EPHA4: variants seen among roughly 807,000 people sequenced by gnomAD.
EPHA4 encodes the protein EPH receptor A4.
In EPHA4, 19 loss-of-function variants were observed where a neutral mutation model predicts 108.3. That is an observed-to-expected ratio of 0.18 (90% confidence interval 0.12 to 0.26). EPHA4 has a LOEUF of 0.26. Among genes scored for constraint, EPHA4 ranks in the 10% least tolerant of loss-of-function variants. EPHA4 has a pLI of 1.00. For synonymous variants in EPHA4, 449 were observed against 455.5 expected (o/e 0.99, Z 0.18); for missense variants, 917 against 1,254.0 (o/e 0.73, Z 4.06).
At chr2:221,421,052 G>A (rs59241493) in intron 17 of EPHA4, among the ~76,000 whole-genome samples, 9,497 of 152,158 alleles carry the variant, frequency 0.062, 1,012 homozygotes, top group African/African-American at 0.22. Context: ...TAATCCCAGC[G>A]TTTTGGGAGC....
intron 3 of EPHA4, among the ~76,000 whole-genome samples, chr2:221,526,900 A>G (rs1161644902): frequency 7.3e-6 from 1 of 137,240 alleles, no homozygotes; most frequent in Non-Finnish European, 1.5e-5. Context: ...AAAAAAATTG[A>G]CACACAAACA....
At chr2:221,520,571 GGAGA>G (rs140590656) in intron 3 of EPHA4, among the ~76,000 whole-genome samples, 2 of 149,720 alleles carry the variant, frequency 1.3e-5, no homozygotes, top group African/African-American at 2.4e-5. Flanking sequence ...GCAAGAGGGG[GGAGA>G]GAGAGAGAGA....
chr2:221,458,270 A>G (rs568912003), intron 5 of EPHA4, among the ~76,000 whole-genome samples: 4 of 152,328 alleles, frequency 2.6e-5, no homozygotes, highest in South Asian at 2.1e-4. Context: ...GACATTTCTC[A>G]TAAAAGGCTG....
rs1043937933 is a variant in EPHA4 at position 221,572,301 on chromosome 2, G to A, written c.-53C>T. 7 of 1,499,936 alleles carry A rather than the reference G, an allele frequency of 4.7e-6. No homozygotes were observed. Among genetic ancestry groups the A allele is most frequent in the Non-Finnish European group, 6.5e-6 (7 of 1,076,962 alleles). The allele number at this position is 1,499,936 out of a possible 1,614,324, so 92.9% of individuals were successfully genotyped here. Reference sequence around the variant, plus strand: ...CCGCTTCTATCCCAGTGGAATAAATGCTTAAGTTAGGAGAGCAGCGGGCTG... The same window carrying A: ...CCGCTTCTATCCCAGTGGAATAAATACTTAAGTTAGGAGAGCAGCGGGCTG... On this transcript the variant is annotated 5_prime_UTR_variant, in exon 1 of 18. Transcript: ENST00000281821.
chr2:221,537,810 GA>G (rs1425792332), intron 3 of EPHA4, among the ~76,000 whole-genome samples: 1 of 152,082 alleles, frequency 6.6e-6, no homozygotes, highest in Non-Finnish European at 1.5e-5. Context: ...AAGAAAGAAG[GA>G]AGAAGAAAGA....
At chr2:221,548,432 G>A (rs887211799) in intron 3 of EPHA4, among the ~76,000 whole-genome samples, 2 of 151,958 alleles carry the variant, frequency 1.3e-5, no homozygotes, top group African/African-American at 4.8e-5. Flanking sequence ...GTGAATGCCT[G>A]TTCGCCTTTG....
chr2:221,473,536 T>G (rs1328635312), intron 5 of EPHA4, among the ~76,000 whole-genome samples: 1 of 138,246 alleles, frequency 7.2e-6, no homozygotes, highest in African/African-American at 2.8e-5. Context: ...CTTTTGGGTT[T>G]TCAAGGTGTT....
chr2:221,482,832 TA>T (rs1691865740), intron 4 of EPHA4, 142 bp from the exon 5 acceptor site: 1 of 679,098 alleles, frequency 1.5e-6, no homozygotes, highest in Non-Finnish European at 2.4e-6. Context: ...CAAGCCAGCA[TA>T]AAAGATCTTT....
chr2:221,504,754 T>C (rs1692581704), intron 3 of EPHA4, among the ~76,000 whole-genome samples: 1 of 152,184 alleles, frequency 6.6e-6, no homozygotes, highest in South Asian at 2.1e-4. Context: ...GTCACAATAA[T>C]TCTGTGAGCT....
intron 11 of EPHA4, among the ~76,000 whole-genome samples, chr2:221,441,197 CTTT>C (rs201795751): frequency 3.8e-5 from 5 of 132,086 alleles, no homozygotes; most frequent in East Asian, 2.2e-4. Context: ...CTTTTCTTTT[CTTT>C]TTTTTTTTTT....
chr2:221,520,530 A>G (rs1384189210), intron 3 of EPHA4, among the ~76,000 whole-genome samples: 1 of 116,562 alleles, frequency 8.6e-6, no homozygotes, highest in African/African-American at 4.2e-5. Context: ...ACACACACAC[A>G]CACACACACA....
At chr2:221,486,892 T>G (rs191851778) in intron 4 of EPHA4, among the ~76,000 whole-genome samples, 53 of 152,230 alleles carry the variant, frequency 3.5e-4, no homozygotes, top group African/African-American at 1.2e-3. Context: ...CTTTAATGCA[T>G]CTTATACCCA....
chr2:221,557,074 GA>G (rs1237538878), intron 3 of EPHA4, among the ~76,000 whole-genome samples: 1 of 151,708 alleles, frequency 6.6e-6, no homozygotes, highest in East Asian at 1.9e-4. Context: ...GAGAGAATTA[GA>G]AAAAAAAGGC....
chr2:221,475,585 T>C (rs1378311643), intron 5 of EPHA4, among the ~76,000 whole-genome samples: 1 of 152,168 alleles, frequency 6.6e-6, no homozygotes, highest in Non-Finnish European at 1.5e-5. Flanking sequence ...GTGTCAGCAG[T>C]GAGATAGTGC....
At chr2:221,503,657 T>C (rs1263534705) in intron 3 of EPHA4, among the ~76,000 whole-genome samples, 1 of 152,216 alleles carries the variant, frequency 6.6e-6, no homozygotes. Context: ...AAGGCTGCTG[T>C]TCTTTAAACA....
At position 221,498,617 on chromosome 2, in the gene EPHA4, C is replaced by T. The variant is rs13394634; in HGVS notation, c.979+2400G>A. ...TGCCTATTTACAGTTTTTCTGTTTT[C>T]GTTTTTTTTTTTCTAAGACAGGGTC... On this transcript the variant is annotated intron_variant, in intron 4 of 17. Transcript: ENST00000281821. Among the ~76,000 whole-genome samples the T allele has an allele frequency of 3.5e-3, 525 of 151,004 alleles. 5 individuals carry two copies. Among genetic ancestry groups the T allele is most frequent in the African/African-American group, 0.012 (498 of 41,208 alleles).
intron 4 of EPHA4, among the ~76,000 whole-genome samples, chr2:221,487,762 C>G (rs1350825218): frequency 6.6e-6 from 1 of 152,148 alleles, no homozygotes; most frequent in Non-Finnish European, 1.5e-5. Flanking sequence ...ACCCTTCCTT[C>G]ACGTTTTTGG....
intron 5 of EPHA4, among the ~76,000 whole-genome samples, chr2:221,459,916 G>A (rs1332081137): frequency 6.6e-6 from 1 of 152,200 alleles, no homozygotes; most frequent in African/African-American, 2.4e-5. Flanking sequence ...ATAATCGACA[G>A]ATTCCTTGAG....
chr2:221,418,721 G>A lies in EPHA4; in HGVS notation c.*2651C>T, dbSNP rs1476960618. 6.6e-6 allele frequency: 1 copy of A among 152,346 alleles called. No individual in the cohort carries two copies. The highest frequency in any genetic ancestry group is 1.5e-5 in the Non-Finnish European group (1 of 68,048). The allele number at this position is 152,346 out of a possible 1,614,324, so 9.4% of individuals were successfully genotyped here. On this transcript the variant is annotated 3_prime_UTR_variant, in exon 18 of 18. Coordinates refer to ENST00000281821, the MANE Select transcript of EPHA4 (RefSeq NM_004438.5). ...TGGTGCAGCGGGGTAGTTTCCCACT[G>A]CTCTAGAGATCGGCACATGAGTTAG...
Sources: allele counts gnomAD v4.1 joint callset (sites outside exome capture counted in the v4.1 genomes callset), GRCh38; gene constraint gnomAD v4.1.1; transcripts MANE v1.5; gene names NCBI Gene and HGNC (gene_info 2026-07-23, HGNC 2026-07-21).